The following CLDN16 variants were observed in gnomAD, a reference collection of about 807,000 sequenced individuals.
CLDN16 encodes the protein claudin 16.
CLDN16 carries 13 observed loss-of-function variants against 24.6 expected under a neutral mutation model. That is an observed-to-expected ratio of 0.53 (90% CI 0.34 to 0.84). The LOEUF is 0.84. CLDN16 is among the 40% of genes least tolerant of loss of function. CLDN16 has a pLI of 0.01. For missense variants in CLDN16, 298 were observed against 292.7 expected (o/e 1.02, Z -0.13); for synonymous variants, 116 against 106.7 (o/e 1.09, Z -0.54).
chr3:190,388,221 A>T lies in CLDN16; in HGVS notation c.-109A>T. 1 of 1,614,050 alleles carries T rather than the reference A, an allele frequency of 6.2e-7. No homozygotes were observed. Among genetic ancestry groups the T allele is most frequent in the South Asian group, 1.1e-5 (1 of 91,078 alleles). ...GCGTGAGAAAAAGTAAAAGACCAGTATTTTCACATTGCCAGGTACCAGAAA... is the reference window on the plus strand; with the variant it reads ...GCGTGAGAAAAAGTAAAAGACCAGTTTTTTCACATTGCCAGGTACCAGAAA... On this transcript the variant is annotated 5_prime_UTR_variant, in exon 1 of 5. Transcript: ENST00000264734.
chr3:190,400,960 T>G lies in CLDN16; in HGVS notation c.115-1377T>G, dbSNP rs149230589. Among the ~76,000 whole-genome samples, 33 of 152,366 alleles carry G rather than the reference T, an allele frequency of 2.2e-4. No individual in the cohort carries two copies. The East Asian group carries it at 5.2e-3, about 24-fold the overall frequency. ...CTTTCTTGGGGTTACTTAACTTTCC[T>G]GTGCCCCAATTTCCTCATTTGTAAA... On this transcript the variant is annotated intron_variant, in intron 1 of 4. Coordinates refer to ENST00000264734, the MANE Select transcript of CLDN16 (RefSeq NM_006580.4).
the CLDN16 span, among the ~76,000 whole-genome samples, chr3:190,290,553 C>A: frequency 2.0e-5 from 3 of 152,166 alleles, no homozygotes; most frequent in African/African-American, 7.2e-5. Context: ...CATAAATTGT[C>A]CTCCTTTCAT....
chr3:190,337,528 G>T (rs1005584106), intron 1 of CLDN16, among the ~76,000 whole-genome samples: 1 of 152,162 alleles, frequency 6.6e-6, no homozygotes, highest in Non-Finnish European at 1.5e-5. Flanking sequence ...CGATAAGAAT[G>T]CGTTCTCCTC....
At chr3:190,308,465 T>G in the CLDN16 span, 1 of 1,611,570 alleles carries the variant, frequency 6.2e-7, no homozygotes, top group Admixed American at 1.7e-5. Flanking sequence ...CATGTGCTTG[T>G]TAATCAGTGA....
At chr3:190,377,024 G>A (rs1718261899) in intron 3 of CLDN16, among the ~76,000 whole-genome samples, 1 of 151,966 alleles carries the variant, frequency 6.6e-6, no homozygotes, top group African/African-American at 2.4e-5. Context: ...TGCTGAAGGA[G>A]TGAGGAAAGG....
intron 1 of CLDN16, among the ~76,000 whole-genome samples, chr3:190,351,720 A>G (rs1442231694): frequency 1.3e-5 from 2 of 152,168 alleles, no homozygotes; most frequent in Admixed American, 6.6e-5. Context: ...ATAGAGGTAA[A>G]CAGATGGAAA....
rs114017633 is a variant in CLDN16 at position 190,390,558 on chromosome 3, C to T, written c.114+2115C>T. On this transcript the variant is annotated intron_variant, in intron 1 of 4. Transcript: ENST00000264734. The stretch of plus-strand genomic sequence containing the variant: ...AAAAAAGAAGAAGAAGAAGAAGAAC[C>T]CTGTAACAAATCCGGCTCCCTTCTC... Among the ~76,000 whole-genome samples, 735 of 148,462 alleles carry T rather than the reference C, an allele frequency of 5.0e-3. 6 individuals carry two copies. The highest frequency in any genetic ancestry group is 0.017 in the African/African-American group (700 of 40,184).
chr3:190,307,602 T>C, the CLDN16 span: 1 of 152,158 alleles, frequency 6.6e-6, no homozygotes, highest in Non-Finnish European at 1.5e-5. Flanking sequence ...CTATGAAATG[T>C]GTTAGATTCA....
chr3:190,315,678 T>G, the CLDN16 span, among the ~76,000 whole-genome samples: 1 of 152,234 alleles, frequency 6.6e-6, no homozygotes. Context: ...AGATGTTTTC[T>G]CTGATCTTGC....
chr3:190,299,376 TC>T, the CLDN16 span, among the ~76,000 whole-genome samples: 1 of 152,138 alleles, frequency 6.6e-6, no homozygotes, highest in East Asian at 1.9e-4. Context: ...TGGTTATTCT[TC>T]CTAATTTTGG....
chr3:190,347,278 T>A (rs181654730), intron 1 of CLDN16, among the ~76,000 whole-genome samples: 1 of 152,292 alleles, frequency 6.6e-6, no homozygotes, highest in African/African-American at 2.4e-5. Context: ...TTTGATGTGA[T>A]GAGAAAGTAG....
At chr3:190,320,534 T>A (rs1402140281), upstream of CLDN16, among the ~76,000 whole-genome samples, 1 of 152,224 alleles carries the variant, frequency 6.6e-6, no homozygotes, top group Non-Finnish European at 1.5e-5. Context: ...AGTCCTGATA[T>A]GAGAACCTTC....
intron 1 of CLDN16, among the ~76,000 whole-genome samples, chr3:190,365,288 G>A (rs150128118): frequency 4.0e-5 from 6 of 151,614 alleles, no homozygotes; most frequent in African/African-American, 7.3e-5. Context: ...CTTCCCTGCC[G>A]TCAGTCCTGG....
At chr3:190,320,092 T>A (rs570678351), upstream of CLDN16, among the ~76,000 whole-genome samples, 9 of 151,728 alleles carry the variant, frequency 5.9e-5, no homozygotes, top group South Asian at 1.9e-3. Flanking sequence ...AGGTATTTAG[T>A]CCTTTCACCC....
chr3:190,354,736 C>T (rs921705893), intron 1 of CLDN16, among the ~76,000 whole-genome samples: 1 of 152,018 alleles, frequency 6.6e-6, no homozygotes, highest in Non-Finnish European at 1.5e-5. Context: ...GGCTTTGTGG[C>T]GTTTCTGCCG....
intron 3 of CLDN16, among the ~76,000 whole-genome samples, chr3:190,376,131 T>A: frequency 6.6e-6 from 1 of 151,874 alleles, no homozygotes; most frequent in East Asian, 1.9e-4. Context: ...CATCATTGAC[T>A]TCAGAATATG....
chr3:190,395,333 T>A (rs1290358275), intron 1 of CLDN16, among the ~76,000 whole-genome samples: 1 of 152,072 alleles, frequency 6.6e-6, no homozygotes, highest in Non-Finnish European at 1.5e-5. Context: ...TTTCGTATCT[T>A]ATAAATGTAA....
At chr3:190,338,550 C>G (rs1717361369) in intron 1 of CLDN16, among the ~76,000 whole-genome samples, 1 of 152,140 alleles carries the variant, frequency 6.6e-6, no homozygotes, top group African/African-American at 2.4e-5. Context: ...ACTAGGGAAT[C>G]AAGGCTCTCA....
In CLDN16 at chr3:190,409,949, T is replaced by G. The variant is rs121908543; in HGVS notation, c.621T>G (p.Tyr207Ter). The G allele has an allele frequency of 1.9e-6, 3 of 1,614,088 alleles. No individual in the cohort carries two copies. The South Asian group carries it at 3.3e-5, about 18-fold the overall frequency. Reference protein sequence around the residue: ...RNYPYSLRKAYSAAGVSMAKS... With the variant: ...RNYPYSLRKA ...ATCCTTATTCCTTGAGGAAAGCCTA[T>G]TCAGCCGCGGGTGTTTCCATGGCCA... The change falls in exon 5 of 5, where the codon TAT (tyrosine) becomes TAG (stop). Residue 207 changes from tyrosine (Y) to a stop codon, truncating the protein, a stop_gained. Transcript: ENST00000264734. LOFTEE classifies it high-confidence loss of function.
Sources: allele counts gnomAD v4.1 joint callset (sites outside exome capture counted in the v4.1 genomes callset), GRCh38; gene constraint gnomAD v4.1.1; transcripts MANE v1.5; gene names NCBI Gene and HGNC (gene_info 2026-07-23, HGNC 2026-07-21).